The following SH3BP5 variants were observed in gnomAD, a reference collection of about 807,000 sequenced individuals.
SH3BP5 encodes SH3 domain binding protein 5.
SH3BP5 carries 22 observed loss-of-function variants against 43.3 expected under a neutral mutation model. The ratio of observed to expected loss-of-function variants is 0.51; its 90% CI spans 0.36 to 0.73. The LOEUF is 0.73. Ranked by LOEUF, SH3BP5 falls within the 30% of genes least tolerant of loss-of-function variation. The pLI, the probability that SH3BP5 is intolerant of heterozygous loss-of-function variation, is 0.00. For synonymous variants in SH3BP5, 255 were observed against 225.8 expected, an observed-to-expected ratio of 1.13 and a Z score of -1.16; for missense variants, 529 against 586.9, an observed-to-expected ratio of 0.90 and a Z score of 1.02.
chr3:15,294,431 C>A (rs1697512420), intron 3 of SH3BP5, among the ~76,000 whole-genome samples: 2 of 152,046 alleles, frequency 1.3e-5, no homozygotes, highest in African/African-American at 2.4e-5. Flanking sequence ...CTCCTCCCTT[C>A]CATCCTCCTT....
At chr3:15,266,299 T>G (rs748883615) in intron 4 of SH3BP5, among the ~76,000 whole-genome samples, 16 of 152,234 alleles carry the variant, frequency 1.1e-4, no homozygotes, top group Non-Finnish European at 2.1e-4. Flanking sequence ...GAGGCTGTCG[T>G]GAGCAGCTCC....
chr3:15,257,274 C>G (rs137952352), intron 7 of SH3BP5, 161 bp from the exon 8 acceptor site: 1 of 697,082 alleles, frequency 1.4e-6, no homozygotes, highest in East Asian at 2.7e-5. Flanking sequence ...CCTGAATGAC[C>G]AGCCTCTAAA....
At chr3:15,325,120 C>T (rs1698428896) in intron 2 of SH3BP5, among the ~76,000 whole-genome samples, 1 of 152,230 alleles carries the variant, frequency 6.6e-6, no homozygotes, top group Non-Finnish European at 1.5e-5. Context: ...ACAAATTGTG[C>T]TTAAAACCAC....
chr3:15,256,361 T>TA, intron 8 of SH3BP5, 58 bp from the exon 9 acceptor site: 2 of 1,525,450 alleles, frequency 1.3e-6, no homozygotes, highest in Non-Finnish European at 1.8e-6. Context: ...CTGTCTCCTA[T>TA]AGAAATACAA....
intron 5 of SH3BP5, 59 bp downstream of exon 5, chr3:15,262,100 T>A: frequency 1.3e-6 from 2 of 1,598,548 alleles, no homozygotes; most frequent in Non-Finnish European, 1.7e-6. Flanking sequence ...TACAAAAGGC[T>A]GAGAAGATGC....
intron 3 of SH3BP5, among the ~76,000 whole-genome samples, chr3:15,287,210 C>G (rs1426996113): frequency 6.6e-6 from 1 of 152,218 alleles, no homozygotes; most frequent in Non-Finnish European, 1.5e-5. Context: ...GTCATATAAG[C>G]AAGCATTATG....
At chr3:15,317,141 T>C (rs895550804) in intron 2 of SH3BP5, among the ~76,000 whole-genome samples, 1 of 152,254 alleles carries the variant, frequency 6.6e-6, no homozygotes, top group Non-Finnish European at 1.5e-5. Context: ...ATTACACCAC[T>C]GATGTGCATG....
At chr3:15,305,973 C>A (rs1697891283) in intron 2 of SH3BP5, among the ~76,000 whole-genome samples, 1 of 151,850 alleles carries the variant, frequency 6.6e-6, no homozygotes, top group Admixed American at 6.6e-5. Flanking sequence ...GTGATTCAAA[C>A]CCCACATCCC....
At chr3:15,272,561 A>ATTCG (rs1559432648) in intron 3 of SH3BP5, among the ~76,000 whole-genome samples, 1 of 125,588 alleles carries the variant, frequency 8.0e-6, no homozygotes. Context: ...CCTGTAGGAT[A>ATTCG]AAGACATTAC....
At chr3:15,267,842 T>C (rs1252749565) in intron 4 of SH3BP5, among the ~76,000 whole-genome samples, 1 of 152,184 alleles carries the variant, frequency 6.6e-6, no homozygotes, top group African/African-American at 2.4e-5. Context: ...AGCAGAAGCA[T>C]GGTTTGTTTA....
At chr3:15,311,618 A>G (rs1430246263) in intron 2 of SH3BP5, among the ~76,000 whole-genome samples, 1 of 152,208 alleles carries the variant, frequency 6.6e-6, no homozygotes, top group Non-Finnish European at 1.5e-5. Flanking sequence ...GTCTTTGCAT[A>G]AAGTCACAGG....
intron 4 of SH3BP5, among the ~76,000 whole-genome samples, chr3:15,269,362 C>T (rs912719176): frequency 2.6e-5 from 4 of 152,140 alleles, no homozygotes; most frequent in Non-Finnish European, 4.4e-5. Flanking sequence ...ATCACAGATT[C>T]GAAACCCAGC....
chr3:15,322,259 A>C (rs1242065104), intron 2 of SH3BP5, among the ~76,000 whole-genome samples: 1 of 152,134 alleles, frequency 6.6e-6, no homozygotes, highest in East Asian at 1.9e-4. Context: ...ATATTCTTTT[A>C]CTATATATAT....
intron 2 of SH3BP5, among the ~76,000 whole-genome samples, chr3:15,319,309 G>A (rs1166511158): frequency 6.6e-6 from 1 of 152,188 alleles, no homozygotes; most frequent in Non-Finnish European, 1.5e-5. Flanking sequence ...ACTAACCAAA[G>A]TCCTTGCTTT....
At chr3:15,332,674 G>T, upstream of SH3BP5, 1 of 1,140,884 alleles carries the variant, frequency 8.8e-7, no homozygotes, top group Non-Finnish European at 1.1e-6. Context: ...GCGTTCCGCC[G>T]CCAGTCCCAG....
intron 4 of SH3BP5, chr3:15,264,344 C>T (rs1696560196): frequency 6.6e-6 from 1 of 151,788 alleles, no homozygotes; most frequent in South Asian, 2.1e-4. Context: ...ACTGACTGCC[C>T]TTGTAATAGT....
chr3:15,296,541 AG>A (rs1697576821), intron 3 of SH3BP5, among the ~76,000 whole-genome samples: 4 of 152,188 alleles, frequency 2.6e-5, no homozygotes, highest in Admixed American at 2.6e-4. Context: ...GTAGGTGCTC[AG>A]TCAATAGCTA....
intron 2 of SH3BP5, among the ~76,000 whole-genome samples, chr3:15,307,006 T>C (rs1697928968): frequency 6.6e-6 from 1 of 151,936 alleles, no homozygotes; most frequent in African/African-American, 2.4e-5. Flanking sequence ...ATTGCAGGGG[T>C]TTCATGGGGG....
At position 15,276,019 on chromosome 3, in the gene SH3BP5, C is replaced by CAAAAAAAAAA. The variant is rs35756562; in HGVS notation, c.331-6152_331-6143dup. On this transcript the variant is annotated intron_variant, in intron 3 of 8. Transcript: ENST00000383791. Reference sequence around the variant, plus strand: ...TGGGCAACAAAGTGAGACTCTGTCTCAAAAAAAAAAAAAAAAAAAAAAGCC... The same window carrying CAAAAAAAAAA: ...TGGGCAACAAAGTGAGACTCTGTCTCAAAAAAAAAAAAAAAAAAAAAAAAAAAAAAAAGCC... 4.5e-5 allele frequency: 3 copies of CAAAAAAAAAA among 66,178 alleles called. 1 individual carries two copies. The highest frequency in any genetic ancestry group is 7.6e-5 in the Non-Finnish European group (3 of 39,238). The allele number at this position is 66,178 out of a possible 1,614,324, so 4.1% of individuals were successfully genotyped here. A position where few individuals can be genotyped will look rare whatever the true frequency, so the allele number is the denominator to read the frequency against.
Sources: allele counts gnomAD v4.1 joint callset (sites outside exome capture counted in the v4.1 genomes callset), GRCh38; gene constraint gnomAD v4.1.1; transcripts MANE v1.5; gene names NCBI Gene and HGNC (gene_info 2026-07-23, HGNC 2026-07-21).